CMSS1: variants seen among roughly 807,000 people sequenced by gnomAD.
CMSS1 encodes cms1 ribosomal small subunit homolog.
In CMSS1, 33 loss-of-function variants were observed where a neutral mutation model predicts 43.5. The ratio of observed to expected loss-of-function variants is 0.76; its 90% CI spans 0.57 to 1.01. The LOEUF is 1.01. Ranked by LOEUF, CMSS1 falls within the 50% of genes least tolerant of loss-of-function variation. The pLI is 0.00. For synonymous variants in CMSS1, 115 were observed against 117.2 expected, an observed-to-expected ratio of 0.98 and a Z score of 0.12; for missense variants, 313 against 326.4, an observed-to-expected ratio of 0.96 and a Z score of 0.32.
intron 1 of CMSS1, among the ~76,000 whole-genome samples, chr3:99,882,380 T>G (rs1705757617): frequency 6.6e-6 from 1 of 152,218 alleles, no homozygotes; most frequent in African/African-American, 2.4e-5. Context: ...CTGTCTCATA[T>G]AAGCAGTCAG....
intron 1 of CMSS1, among the ~76,000 whole-genome samples, chr3:100,107,262 C>A (rs2066411329): frequency 6.6e-6 from 1 of 152,118 alleles, no homozygotes; most frequent in South Asian, 2.1e-4. Flanking sequence ...TAATAGAATT[C>A]TATGCTGAAA....
At chr3:99,945,587 A>C (rs1270728118) in intron 1 of CMSS1, among the ~76,000 whole-genome samples, 1 of 152,198 alleles carries the variant, frequency 6.6e-6, no homozygotes, top group African/African-American at 2.4e-5. Context: ...GTTGCTTTGG[A>C]TGTTTTAGCA....
At chr3:99,938,070 TGTGTGCGCGCGC>T (rs1029592406) in intron 1 of CMSS1, among the ~76,000 whole-genome samples, 4 of 96,870 alleles carry the variant, frequency 4.1e-5, no homozygotes, top group African/African-American at 1.7e-4. Flanking sequence ...TGTGTGTGTG[TGTGTGCGCGCGC>T]GCGCGCGCGT....
At chr3:99,827,258 C>G (rs1942553103) in intron 1 of CMSS1, among the ~76,000 whole-genome samples, 2 of 152,166 alleles carry the variant, frequency 1.3e-5, no homozygotes, top group Admixed American at 6.5e-5. Flanking sequence ...GTGGCATGAT[C>G]TTGGCCTACT....
At chr3:100,137,515 C>T (rs2066765587) in intron 1 of CMSS1, among the ~76,000 whole-genome samples, 1 of 151,458 alleles carries the variant, frequency 6.6e-6, no homozygotes, top group African/African-American at 2.4e-5. Context: ...AATATACATA[C>T]ACCCCAATAA....
At chr3:99,951,588 G>A (rs1708178764) in intron 1 of CMSS1, among the ~76,000 whole-genome samples, 1 of 152,098 alleles carries the variant, frequency 6.6e-6, no homozygotes, top group South Asian at 2.1e-4. Context: ...GAGAAATAGT[G>A]ATGAAGCAAG....
chr3:99,830,074 A>C (rs1942621860), intron 1 of CMSS1: 1 of 154,052 alleles, frequency 6.5e-6, no homozygotes, highest in Non-Finnish European at 1.5e-5. Flanking sequence ...ATGAAGAATT[A>C]CTTCTGTTTT....
At chr3:99,834,267 T>C (rs1446331386) in intron 1 of CMSS1, among the ~76,000 whole-genome samples, 2 of 152,242 alleles carry the variant, frequency 1.3e-5, no homozygotes, top group African/African-American at 4.8e-5. Flanking sequence ...CTCATTAACC[T>C]CCTATGAGAG....
At chr3:99,875,615 T>TAAAC (rs1260529501) in intron 1 of CMSS1, among the ~76,000 whole-genome samples, 4 of 152,212 alleles carry the variant, frequency 2.6e-5, no homozygotes, top group African/African-American at 9.6e-5. Flanking sequence ...AGTGTTTTTC[T>TAAAC]AGTCGTTTAT....
chr3:99,896,682 C>G (rs920519681), intron 1 of CMSS1, among the ~76,000 whole-genome samples: 6 of 152,174 alleles, frequency 3.9e-5, no homozygotes, highest in Non-Finnish European at 8.8e-5. Flanking sequence ...AATTATAATT[C>G]TACAATGATA....
At chr3:100,116,222 C>G (rs2107486899) in intron 1 of CMSS1, among the ~76,000 whole-genome samples, 1 of 152,220 alleles carries the variant, frequency 6.6e-6, no homozygotes, top group East Asian at 1.9e-4. Flanking sequence ...TGGGGAGATA[C>G]TTGGAGACTA....
intron 1 of CMSS1, among the ~76,000 whole-genome samples, chr3:99,944,586 G>A (rs1465319376): frequency 6.6e-6 from 1 of 152,188 alleles, no homozygotes; most frequent in Non-Finnish European, 1.5e-5. Flanking sequence ...GCACTTTATG[G>A]GTTAAAGTAA....
chr3:99,872,269 C>CTGTGTGTGTGTGTGTGTGTGTG lies in CMSS1; in HGVS notation c.64+54259_64+54280dup, dbSNP rs55727823. Reference sequence around the variant, plus strand: ...ATTCTGTGGATATTCTGTGCCAGGACTGTGTGTGTGTGTGTGTGTGTGTGT... The same window carrying CTGTGTGTGTGTGTGTGTGTGTG: ...ATTCTGTGGATATTCTGTGCCAGGACTGTGTGTGTGTGTGTGTGTGTGTGTGTGTGTGTGTGTGTGTGTGTGT... On this transcript the variant is annotated intron_variant, in intron 1 of 9. Transcript: ENST00000421999. Among the ~76,000 whole-genome samples, 29 of 110,822 alleles carry CTGTGTGTGTGTGTGTGTGTGTG rather than the reference C, an allele frequency of 2.6e-4. 1 individual carries two copies. The highest frequency in any genetic ancestry group is 6.4e-4 in the East Asian group (2 of 3,138). 72.7% of individuals were successfully genotyped at this position (110,822 alleles called of 152,430 possible).
At chr3:100,080,446 T>G (rs1471218995) in intron 1 of CMSS1, among the ~76,000 whole-genome samples, 2 of 152,194 alleles carry the variant, frequency 1.3e-5, no homozygotes, top group Non-Finnish European at 2.9e-5. Context: ...ATGTAGATTT[T>G]GGGGAGTACC....
chr3:99,955,153 A>G (rs1220655006), intron 1 of CMSS1, among the ~76,000 whole-genome samples: 1 of 152,220 alleles, frequency 6.6e-6, no homozygotes, highest in Admixed American at 6.5e-5. Flanking sequence ...CTATGGCTGT[A>G]TCATTCTAGC....
intron 1 of CMSS1, among the ~76,000 whole-genome samples, chr3:99,988,504 T>C: frequency 1.1e-5 from 1 of 93,430 alleles, no homozygotes; most frequent in African/African-American, 4.8e-5. Flanking sequence ...AGAGCGAGAC[T>C]CCATCTCAAA....
chr3:100,078,078 T>TAA (rs538006223), intron 1 of CMSS1, among the ~76,000 whole-genome samples: 2 of 146,038 alleles, frequency 1.4e-5, no homozygotes, highest in African/African-American at 5.0e-5. Flanking sequence ...GGGCTTGCTT[T>TAA]AAAAAAAAAA....
intron 1 of CMSS1, among the ~76,000 whole-genome samples, chr3:100,083,192 A>G (rs1284224543): frequency 6.6e-6 from 1 of 152,240 alleles, no homozygotes. Context: ...GATATTCAAC[A>G]TAAGACTCTC....
At chr3:99,833,262 C>T (rs763347385) in intron 1 of CMSS1, 73 of 1,610,744 alleles carry the variant, frequency 4.5e-5, no homozygotes, top group Non-Finnish European at 6.1e-5. Flanking sequence ...GTGGTTCCAC[C>T]TAGGGAGCAG....
Sources: allele counts gnomAD v4.1 joint callset (sites outside exome capture counted in the v4.1 genomes callset), GRCh38; gene constraint gnomAD v4.1.1; transcripts MANE v1.5; gene names NCBI Gene and HGNC (gene_info 2026-07-23, HGNC 2026-07-21).